Variants in ARID1A observed in about 807,000 individuals in gnomAD.
ARID1A encodes the protein AT-rich interactive domain-containing protein 1A.
In ARID1A, 20 loss-of-function variants were observed where a neutral mutation model predicts 212.6. That is an observed-to-expected ratio of 0.09 (90% CI 0.07 to 0.14). The LOEUF (loss-of-function observed/expected upper bound fraction) is 0.14, where lower values mean the gene tolerates loss of function less well. Ranked by LOEUF, ARID1A falls within the 10% of genes least tolerant of loss-of-function variation. ARID1A has a pLI of 1.00. For missense variants in ARID1A, 2,587 were observed against 3,059.0 expected, an observed-to-expected ratio of 0.85 and a Z score of 3.64; for synonymous variants, 1,376 against 1,222.1, an observed-to-expected ratio of 1.13 and a Z score of -2.63.
chr1:26,717,082 C>T (rs2080510273), intron 1 of ARID1A, among the ~76,000 whole-genome samples: 1 of 152,166 alleles, frequency 6.6e-6, no homozygotes, highest in African/African-American at 2.4e-5. Flanking sequence ...GGTATTGCCC[C>T]GGTTGAATAC....
intron 1 of ARID1A, among the ~76,000 whole-genome samples, chr1:26,713,645 C>T (rs2080474745): frequency 3.3e-5 from 5 of 152,140 alleles, no homozygotes. Context: ...CAGGCGTGCG[C>T]CCAGCCTGTG....
chr1:26,762,914 G>C (rs2124066904), intron 7 of ARID1A, 59 bp from the exon 8 acceptor site: 1 of 1,427,568 alleles, frequency 7.0e-7, no homozygotes, highest in East Asian at 2.4e-5. Context: ...CTAGAGTTGA[G>C]AGATATTAGT....
intron 4 of ARID1A, among the ~76,000 whole-genome samples, chr1:26,756,564 TAA>T (rs59135556): frequency 7.7e-6 from 1 of 129,850 alleles, no homozygotes. Context: ...CCTGTCTCTT[TAA>T]AAAAAAAAAA....
chr1:26,721,316 A>T (rs1229797631), intron 1 of ARID1A, among the ~76,000 whole-genome samples: 1 of 151,938 alleles, frequency 6.6e-6, no homozygotes, highest in Non-Finnish European at 1.5e-5. Flanking sequence ...GGTTCAAGTG[A>T]TTCTCCTGCC....
chr1:26,746,636 G>A (rs1455729209), intron 4 of ARID1A, among the ~76,000 whole-genome samples: 1 of 152,228 alleles, frequency 6.6e-6, no homozygotes, highest in African/African-American at 2.4e-5. Flanking sequence ...GCTCACGCCT[G>A]TAATCCCAGC....
chr1:26,775,834 A>C, intron 19 of ARID1A, 127 bp downstream of exon 19: 1 of 1,435,170 alleles, frequency 7.0e-7, no homozygotes, highest in Non-Finnish European at 9.6e-7. Context: ...CCATGCCAGT[A>C]CTTTGCTTCC....
intron 8 of ARID1A, chr1:26,765,831 T>C (rs34397747): frequency 0.059 from 9,387 of 159,568 alleles, 348 homozygotes; most frequent in Non-Finnish European, 0.08. Flanking sequence ...ACCATTGCAC[T>C]CCAGCCTGGG....
Position 26,779,926 on chromosome 1 carries a change from A to G in ARID1A, c.6028A>G (p.Ile2010Val), listed in dbSNP as rs754451193. Reference sequence around the variant, plus strand: ...GTCCAAACACCCAGGGCTGCTGCTCATCCTGGGCAAGCTGATCCTGCTGCA... The same window carrying G: ...GTCCAAACACCCAGGGCTGCTGCTCGTCCTGGGCAAGCTGATCCTGCTGCA... ...EMSKHPGLLL[I>V]LGKLILLHHK... Residue 2010 changes from isoleucine (I) to valine (V), a missense_variant, in exon 20 of 20, where the codon ATC becomes GTC. Physicochemically the swap from Ile to Val is conservative, Grantham distance 29. This residue lies in a region of ARID1A where 168 missense variants were observed against 321.0 expected (regional missense o/e 0.52). Coordinates refer to ENST00000324856, the MANE Select transcript of ARID1A (RefSeq NM_006015.6). The G allele has an allele frequency of 1.2e-5, 20 of 1,614,022 alleles. No homozygotes were observed. The highest frequency in any genetic ancestry group is 3.3e-4 in the Middle Eastern group (2 of 6,084).
rs906576090 is a variant in ARID1A, at chr1:26,773,389, C to T, written c.3759C>T (p.Asn1253=). 25 of 1,611,918 alleles carry T rather than the reference C, an allele frequency of 1.6e-5. No individual in the cohort carries two copies. Among genetic ancestry groups the T allele is most frequent in the Non-Finnish European group, 1.9e-5 (22 of 1,178,888 alleles). The change falls in exon 15 of 20, where the codon AAC becomes AAT. Residue 1253 remains asparagine (N), a synonymous_variant. Transcript: ENST00000324856. ...DPFMSSGQGP[N]GGMGDPYSRA... is the part of the protein sequence containing the mutation. Reference sequence around the variant, plus strand: ...TCATGTCCTCAGGGCAGGGCCCCAACGGCGGGATGGGTGACCCCTACAGTC... The same window carrying T: ...TCATGTCCTCAGGGCAGGGCCCCAATGGCGGGATGGGTGACCCCTACAGTC...
rs181093234 is a variant in ARID1A at position 26,721,036 on chromosome 1, C to T, written c.1138-8615C>T. Among the ~76,000 whole-genome samples the T allele has an allele frequency of 1.7e-3, 266 of 152,116 alleles. 3 individuals are homozygous for T. The highest frequency in any genetic ancestry group is 5.7e-3 in the African/African-American group (236 of 41,486). ...GTTGGTCTGAGAACTGGGATTGGAC[C>T]CCAGATGTACTTACTGCCTCTCAGT... On this transcript the variant is annotated intron_variant, in intron 1 of 19. Coordinates refer to ENST00000324856, the MANE Select transcript of ARID1A (RefSeq NM_006015.6).
intron 1 of ARID1A, among the ~76,000 whole-genome samples, chr1:26,697,798 G>A (rs1489997153): frequency 6.6e-6 from 1 of 151,408 alleles, no homozygotes; most frequent in East Asian, 1.9e-4. Context: ...CGAACTCCAG[G>A]GGTCTTGATG....
In ARID1A at chr1:26,775,211, A is replaced by C; in HGVS notation, c.4984A>C (p.Lys1662Gln). The C allele has an allele frequency of 6.3e-7, 1 of 1,587,994 alleles. No individual in the cohort carries two copies. The highest frequency in any genetic ancestry group is 1.7e-4 in the Middle Eastern group (1 of 5,932). ...GAAGCAGAGGAGGCGGCTCACAATG[A>C]AAGACATTGGTAAGGAGATCTTCCT... is the stretch of plus-strand genomic sequence containing the variant. ...VLKQRRRLTM[K>Q]DIGTPEAWRV... Residue 1662 changes from lysine (K) to glutamine (Q), a missense_variant, in exon 18 of 20, where the codon AAA becomes CAA. Physicochemically the swap from Lys to Gln is moderately conservative, Grantham distance 53. Coordinates refer to ENST00000324856, the MANE Select transcript of ARID1A (RefSeq NM_006015.6).
chr1:26,703,500 G>A (rs1376773794), intron 1 of ARID1A, among the ~76,000 whole-genome samples: 1 of 152,152 alleles, frequency 6.6e-6, no homozygotes, highest in Non-Finnish European at 1.5e-5. Context: ...TTTTGACTTA[G>A]CTGTTTATAT....
chr1:26,744,251 CTTGCAGCAGA>C (rs1453773970), intron 4 of ARID1A, among the ~76,000 whole-genome samples: 1 of 152,242 alleles, frequency 6.6e-6, no homozygotes, highest in Non-Finnish European at 1.5e-5. Context: ...GCCTGTGCTG[CTTGCAGCAGA>C]TTACTGTATG....
At chr1:26,738,476 G>A (rs2080755706) in intron 4 of ARID1A, among the ~76,000 whole-genome samples, 1 of 152,152 alleles carries the variant, frequency 6.6e-6, no homozygotes, top group Non-Finnish European at 1.5e-5. Context: ...ATAGTGCCTG[G>A]CATATAGTAG....
intron 1 of ARID1A, among the ~76,000 whole-genome samples, chr1:26,714,332 C>T (rs975312926): frequency 2.0e-5 from 3 of 152,194 alleles, no homozygotes; most frequent in Non-Finnish European, 2.9e-5. Context: ...ATTTGTAGTA[C>T]TCTGGTTTTC....
intron 4 of ARID1A, among the ~76,000 whole-genome samples, chr1:26,740,479 A>G (rs1413767824): frequency 6.6e-6 from 1 of 152,206 alleles, no homozygotes; most frequent in African/African-American, 2.4e-5. Flanking sequence ...GGTTAGTTAC[A>G]AAGGGAAAGT....
intron 4 of ARID1A, among the ~76,000 whole-genome samples, chr1:26,743,182 T>A (rs1031379803): frequency 6.6e-5 from 10 of 152,172 alleles, no homozygotes; most frequent in African/African-American, 2.2e-4. Flanking sequence ...CAACTTCATC[T>A]CCAGCCACTC....
At chr1:26,775,334 T>TAGAA in intron 18 of ARID1A, 114 bp downstream of exon 18, 17 of 1,459,386 alleles carry the variant, frequency 1.2e-5, no homozygotes, top group Non-Finnish European at 1.4e-5. Context: ...TTGACTAAAA[T>TAGAA]AGAACCAAAG....
Sources: gnomAD v4.1 joint callset for allele counts (sites outside exome capture counted in the v4.1 genomes callset) on GRCh38, gnomAD v4.1.1 for gene constraint, gnomAD v4.1.1 regional missense constraint, MANE v1.5 for transcripts, NCBI Gene and HGNC (gene_info 2026-07-23, HGNC 2026-07-21) for gene names.